Variants in TBR1 observed in about 807,000 individuals in gnomAD.
TBR1 encodes the protein T-box brain transcription factor 1, also known as T-box brain protein 1.
TBR1 carries 7 observed loss-of-function variants against 60.3 expected under a neutral mutation model. The observed-to-expected ratio is 0.12, with a 90% CI of 0.07 to 0.22. TBR1 has a LOEUF of 0.22. TBR1 is among the 10% of genes least tolerant of loss of function. The pLI is 1.00. For missense variants in TBR1, 616 were observed against 936.8 expected (o/e 0.66, Z 4.47); for synonymous variants, 417 against 409.9 (o/e 1.02, Z -0.21).
chr2:161,423,561 G>A lies in TBR1; in HGVS notation c.1383G>A (p.Val461=). The change falls in exon 6 of 6, where the codon GTG becomes GTA. Residue 461 remains valine, a synonymous_variant. Coordinates refer to ENST00000389554, the MANE Select transcript of TBR1 (RefSeq NM_006593.4). The part of the protein sequence containing the change: ...AGPGPGTDRS[V]PHTNGLLSPQ... ...CCGGGCCGGGTACGGACCGCAGCGT[G>A]CCGCACACCAACGGGCTGCTGTCGC... 1 of 1,557,614 alleles carries A rather than the reference G, an allele frequency of 6.4e-7. No individual in the cohort carries two copies. The highest frequency in any genetic ancestry group is 8.6e-7 in the Non-Finnish European group (1 of 1,156,178).
Position 161,416,362 on chromosome 2 carries a change from G to A in TBR1, c.-49G>A, listed in dbSNP as rs758104437. The A allele has an allele frequency of 6.3e-6, 9 of 1,429,066 alleles. No homozygotes were observed. The highest frequency in any genetic ancestry group is 8.5e-6 in the Non-Finnish European group (9 of 1,052,976). 88.5% of individuals were successfully genotyped at this position (1,429,066 alleles called of 1,614,324 possible). On this transcript the variant is annotated 5_prime_UTR_variant, in exon 1 of 6. Transcript: ENST00000389554. This position sits in a 1 kb window ranked among gnomAD's most constrained non-coding sequence, Gnocchi z 6.1. ...GTGGATTTCTAGTTTATGATAAATA[G>A]GACTTTAAAAACCAGGGACGGGAGG...
chr2:161,419,070 G>A lies in TBR1; in HGVS notation c.1128+20G>A. ...ACGGATGTAAGGAGACCTAGGGGCT[G>A]GGGGCGAGGCGGGCGGCACAGACAT... On this transcript the variant is annotated intron_variant, in intron 4 of 5. Transcript: ENST00000389554. 6.2e-7 allele frequency: 1 copy of A among 1,613,446 alleles called. No homozygotes were observed. The highest frequency in any genetic ancestry group is 8.5e-7 in the Non-Finnish European group (1 of 1,179,764).
rs1271620102 is a variant in TBR1 at position 161,418,090 on chromosome 2, GTGTGTA to G, written c.848-105_848-100del. The G allele has an allele frequency of 4.9e-6, 7 of 1,426,052 alleles. No individual in the cohort carries two copies. The African/African-American group carries it at 6.7e-5, about 14-fold the overall frequency. 88.3% of individuals were successfully genotyped at this position (1,426,052 alleles called of 1,614,324 possible). A position where few individuals can be genotyped will look rare whatever the true frequency, so the allele number is the denominator to read the frequency against. On this transcript the variant is annotated intron_variant, in intron 2 of 5. Coordinates refer to ENST00000389554, the MANE Select transcript of TBR1 (RefSeq NM_006593.4). The stretch of plus-strand genomic sequence containing the variant: ...AATGGGCTTCATGGTGGAGTAAGGT[GTGTGTA>G]TGTGTGTGTGTGTGTGTGTGTGTGT...
In TBR1 at chr2:161,417,987, A is replaced by G. The variant is rs1238036877; in HGVS notation, c.847+157A>G. 5 of 1,453,176 alleles carry G rather than the reference A, an allele frequency of 3.4e-6. No homozygotes were observed. Among genetic ancestry groups the G allele is most frequent in the Non-Finnish European group, 4.5e-6 (5 of 1,103,226 alleles). The allele number at this position is 1,453,176 out of a possible 1,614,324, so 90.0% of individuals were successfully genotyped here. ...CAGGGGGACAGACTGAGCTGCGAGA[A>G]GGGGGAGGATTATGCAAAAGCTATT... On this transcript the variant is annotated intron_variant, in intron 2 of 5. Coordinates refer to ENST00000389554, the MANE Select transcript of TBR1 (RefSeq NM_006593.4). This position sits in a 1 kb window ranked among gnomAD's most constrained non-coding sequence, Gnocchi z 5.3.
chr2:161,420,559 C>A, intron 5 of TBR1: 1 of 193,428 alleles, frequency 5.2e-6, no homozygotes, highest in Non-Finnish European at 1.0e-5. Context: ...TGGTGGGCCT[C>A]TGGGGCTGGC....
chr2:161,422,535 CTGA>C (rs752410879), intron 5 of TBR1: 3 of 152,222 alleles, frequency 2.0e-5, no homozygotes, highest in Non-Finnish European at 4.4e-5. Context: ...ATGGAGTAGG[CTGA>C]TAAGTACACT....
In TBR1 at chr2:161,417,169, C is replaced by T; in HGVS notation, c.692+67C>T. ...GGGGACAAGTGCACCTAGGCTGTGACTGCCGCGGCAGCGACGATTTGGGGT... is the reference window on the plus strand; with the variant it reads ...GGGGACAAGTGCACCTAGGCTGTGATTGCCGCGGCAGCGACGATTTGGGGT... On this transcript the variant is annotated intron_variant, in intron 1 of 5. Coordinates refer to ENST00000389554, the MANE Select transcript of TBR1 (RefSeq NM_006593.4). The surrounding 1 kb of genome is among the most constrained non-coding windows in gnomAD (Gnocchi z 5.3). The T allele has an allele frequency of 6.8e-7, 1 of 1,477,070 alleles. No homozygotes were observed. Among genetic ancestry groups the T allele is most frequent in the East Asian group, 2.3e-5 (1 of 42,986 alleles). The allele number at this position is 1,477,070 out of a possible 1,614,324, so 91.5% of individuals were successfully genotyped here.
Position 161,416,495 on chromosome 2 carries a change from G to A in TBR1, c.85G>A (p.Gly29Arg). 1 of 1,614,056 alleles carries A rather than the reference G, an allele frequency of 6.2e-7. No individual in the cohort carries two copies. Among genetic ancestry groups the A allele is most frequent in the Non-Finnish European group, 8.5e-7 (1 of 1,179,996 alleles). The change falls in exon 1 of 6, where the codon GGA becomes AGA. Residue 29 changes from glycine (G) to arginine (R), a missense_variant. This residue lies in a region of TBR1 where 211 missense variants were observed against 268.7 expected (regional missense o/e 0.79). Coordinates refer to ENST00000389554, the MANE Select transcript of TBR1 (RefSeq NM_006593.4). The surrounding 1 kb of genome is among the most constrained non-coding windows in gnomAD (Gnocchi z 6.1). Reference sequence around the variant, plus strand: ...GAGCAGCAGCTACCCACATTCAGGCGGATCCGAGCTTGTCTTGCACGATCA... The same window carrying A: ...GAGCAGCAGCTACCCACATTCAGGCAGATCCGAGCTTGTCTTGCACGATCA... ...NVSSSYPHSGGSELVLHDHPI... is the reference protein window; with the variant it reads ...NVSSSYPHSGRSELVLHDHPI...
In TBR1 at chr2:161,416,549, G is replaced by A; in HGVS notation, c.139G>A (p.Glu47Lys). 2 of 1,614,124 alleles carry A rather than the reference G, an allele frequency of 1.2e-6. No individual in the cohort carries two copies. Among genetic ancestry groups the A allele is most frequent in the Non-Finnish European group, 1.7e-6 (2 of 1,180,016 alleles). Residue 47 changes from glutamate to lysine, a missense_variant, in exon 1 of 6, where the codon GAG becomes AAG. This residue lies in a region of TBR1 where 211 missense variants were observed against 268.7 expected (regional missense o/e 0.79). Coordinates refer to ENST00000389554, the MANE Select transcript of TBR1 (RefSeq NM_006593.4). This position sits in a 1 kb window ranked among gnomAD's most constrained non-coding sequence, Gnocchi z 6.1. Reference protein sequence around the residue: ...HPIISTTDNLERSSPLKKITR... With the variant: ...HPIISTTDNLKRSSPLKKITR... ...CATTATCTCGACCACTGACAACCTG[G>A]AGAGAAGTTCACCTTTGAAAAAAAT...
chr2:161,420,418 C>CT (rs67826360), intron 5 of TBR1, 161 bp downstream of exon 5: 4,017 of 95,112 alleles, frequency 0.042, 35 homozygotes, highest in African/African-American at 0.061. Context: ...TCTTCCTCTT[C>CT]TTTTTTTTTT....
Position 161,423,612 on chromosome 2 carries a change from G to A in TBR1, c.1434G>A (p.Ala478=). Residue 478 remains alanine (A), a synonymous_variant, in exon 6 of 6, where the codon GCG becomes GCA. Transcript: ENST00000389554. ...LSPQQAEDPG[A]PSPQRWFVTP... Reference sequence around the variant, plus strand: ...CGCAGCAGGCCGAGGACCCGGGCGCGCCCTCGCCGCAACGCTGGTTTGTGA... The same window carrying A: ...CGCAGCAGGCCGAGGACCCGGGCGCACCCTCGCCGCAACGCTGGTTTGTGA... 1.3e-6 allele frequency: 2 copies of A among 1,528,574 alleles called. No homozygotes were observed. The highest frequency in any genetic ancestry group is 2.6e-5 in the East Asian group (1 of 38,254). The allele number at this position is 1,528,574 out of a possible 1,614,324, so 94.7% of individuals were successfully genotyped here.
chr2:161,424,267 C>T lies in TBR1; in HGVS notation c.*40C>T. 6.6e-7 allele frequency: 1 copy of T among 1,508,558 alleles called. No homozygotes were observed. Among genetic ancestry groups the T allele is most frequent in the Non-Finnish European group, 8.9e-7 (1 of 1,121,446 alleles). 93.4% of individuals were successfully genotyped at this position (1,508,558 alleles called of 1,614,324 possible). ...CCCGGCCCCGCCGCGGCCCGGACCC[C>T]CAGCCAGCCCCTCACAGCTCTTCCC... On this transcript the variant is annotated 3_prime_UTR_variant, in exon 6 of 6. Transcript: ENST00000389554. The surrounding 1 kb of genome is among the most constrained non-coding windows in gnomAD (Gnocchi z 4.4).
At position 161,423,699 on chromosome 2, in the gene TBR1, G is replaced by A. The variant is rs536832524; in HGVS notation, c.1521G>A (p.Ala507=). ...ASAYDTATDF[A]GNAATLLSYA... ...CCTATGACACGGCCACGGACTTCGC[G>A]GGCAACGCGGCCACGCTGCTCTCTT... The change falls in exon 6 of 6, where the codon GCG becomes GCA. Residue 507 remains alanine, a synonymous_variant. Coordinates refer to ENST00000389554, the MANE Select transcript of TBR1 (RefSeq NM_006593.4). 6.8e-5 allele frequency: 104 copies of A among 1,537,302 alleles called. No individual in the cohort carries two copies. In the Admixed American group the frequency reaches 9.5e-4, roughly 14 times the overall value.
rs1684285323 is a variant in TBR1, at chr2:161,424,230, C to A, written c.*3C>A. 6.5e-7 allele frequency: 1 copy of A among 1,548,094 alleles called. No homozygotes were observed. Among genetic ancestry groups the A allele is most frequent in the East Asian group, 2.4e-5 (1 of 41,882 alleles). On this transcript the variant is annotated 3_prime_UTR_variant, in exon 6 of 6. Transcript: ENST00000389554. The surrounding 1 kb of genome is among the most constrained non-coding windows in gnomAD (Gnocchi z 4.4). ...ATGGCTTCTACTCGCACAGCTAGGC[C>A]GCCCCTGCCCGCCCGGCCCCGCCGC... is the stretch of plus-strand genomic sequence containing the variant.
In TBR1 at chr2:161,416,973, C is replaced by T. The variant is rs1459195361; in HGVS notation, c.563C>T (p.Pro188Leu). The change falls in exon 1 of 6, where the codon CCG becomes CTG. Residue 188 changes from proline (P) to leucine (L), a missense_variant. By Grantham distance (98) the Pro-to-Leu change is moderately conservative. Transcript: ENST00000389554. The surrounding 1 kb of genome is among the most constrained non-coding windows in gnomAD (Gnocchi z 6.1). ...TACGGCCACTCCTACCAAGGAGCTC[C>T]GTTCTACCAGTTCTCCTCCACCCAG... ...QQYGHSYQGA[P>L]FYQFSSTQPG... 6.2e-7 allele frequency: 1 copy of T among 1,614,202 alleles called. No individual in the cohort carries two copies. Among genetic ancestry groups the T allele is most frequent in the Admixed American group, 1.7e-5 (1 of 60,036 alleles).
At position 161,416,908 on chromosome 2, in the gene TBR1, G is replaced by A. The variant is rs1329628690; in HGVS notation, c.498G>A (p.Pro166=). ...ACAGCCTCCTGTCCAACTCCTCGCC[G>A]CAGGGATACCCCACGGCCGGCTACC... ...AYNSLLSNSS[P]QGYPTAGYPY... The change falls in exon 1 of 6, where the codon CCG becomes CCA. Residue 166 remains proline, a synonymous_variant. Transcript: ENST00000389554. This position sits in a 1 kb window ranked among gnomAD's most constrained non-coding sequence, Gnocchi z 6.1. The A allele has an allele frequency of 5.0e-6, 8 of 1,613,856 alleles. No individual in the cohort carries two copies. Among genetic ancestry groups the A allele is most frequent in the African/African-American group, 2.7e-5 (2 of 74,908 alleles).
At chr2:161,423,132 T>C in intron 5 of TBR1, 1 of 396,016 alleles carries the variant, frequency 2.5e-6, no homozygotes. Context: ...GGTCTGTATC[T>C]TGCTCAGGTC....
chr2:161,416,352 A>T lies in TBR1; in HGVS notation c.-59A>T. 7.3e-7 allele frequency: 1 copy of T among 1,361,828 alleles called. No individual in the cohort carries two copies. Among genetic ancestry groups the T allele is most frequent in the Non-Finnish European group, 1.0e-6 (1 of 995,204 alleles). The allele number at this position is 1,361,828 out of a possible 1,614,324, so 84.4% of individuals were successfully genotyped here. On this transcript the variant is annotated 5_prime_UTR_variant, in exon 1 of 6. The change abolishes an upstream ATG in the 5' untranslated region. Transcript: ENST00000389554. This position sits in a 1 kb window ranked among gnomAD's most constrained non-coding sequence, Gnocchi z 6.1. ...GAGGGGGTCTGTGGATTTCTAGTTT[A>T]TGATAAATAGGACTTTAAAAACCAG...
rs1206530189 is a variant in TBR1 at position 161,418,181 on chromosome 2, C to T, written c.848-20C>T. ...GGGCAGTGCCAGGGGCATATGTAAA[C>T]AATGTATTTCTTTCTCTAGGAAATC... On this transcript the variant is annotated intron_variant, in intron 2 of 5. Coordinates refer to ENST00000389554, the MANE Select transcript of TBR1 (RefSeq NM_006593.4). The T allele has an allele frequency of 1.2e-6, 2 of 1,605,800 alleles. No individual in the cohort carries two copies. Among genetic ancestry groups the T allele is most frequent in the African/African-American group, 2.7e-5 (2 of 74,396 alleles).
Sources: gnomAD v4.1 joint callset for allele counts on GRCh38, gnomAD v4.1.1 for gene constraint, gnomAD v4.1.1 regional missense constraint, Gnocchi (gnomAD v3.1) non-coding constraint, MANE v1.5 for transcripts, NCBI Gene and HGNC (gene_info 2026-07-23, HGNC 2026-07-21) for gene names.